The following RTN1 variants were observed in gnomAD, a reference collection of about 807,000 sequenced individuals.
The protein encoded by RTN1 is reticulon-1.
In RTN1, 25 loss-of-function variants were observed where a neutral mutation model predicts 65.5. That is an observed-to-expected ratio of 0.38 (90% CI 0.28 to 0.53). The LOEUF (loss-of-function observed/expected upper bound fraction) is 0.53. Ranked by LOEUF, RTN1 falls within the 20% of genes least tolerant of loss-of-function variation. The pLI, the probability that RTN1 is intolerant of heterozygous loss-of-function variation, is 0.79. For missense variants in RTN1, 983 were observed against 1,025.4 expected, an observed-to-expected ratio of 0.96 and a Z score of 0.57; for synonymous variants, 471 against 447.6, an observed-to-expected ratio of 1.05 and a Z score of -0.66.
chr14:59,772,692 A>G (rs1237711686), intron 1 of RTN1, among the ~76,000 whole-genome samples: 1 of 152,116 alleles, frequency 6.6e-6, no homozygotes, highest in Non-Finnish European at 1.5e-5. Context: ...GAAAACACTC[A>G]TTCCCCAAGA....
In RTN1 at chr14:59,855,147, T is replaced by C. The variant is rs542036038; in HGVS notation, c.241+15243A>G. Among the ~76,000 whole-genome samples the C allele has an allele frequency of 1.1e-3, 171 of 152,330 alleles. 4 individuals carry two copies. The South Asian group carries it at 0.034, about 30-fold the overall frequency. On this transcript the variant is annotated intron_variant, in intron 1 of 8. Transcript: ENST00000267484. Reference sequence around the variant, plus strand: ...TTTCACTGTACCCTATTAATATGAATACTCAATGAACATTTGAAAAAGGGA... The same window carrying C: ...TTTCACTGTACCCTATTAATATGAACACTCAATGAACATTTGAAAAAGGGA...
At chr14:59,791,863 G>A (rs546937081) in intron 1 of RTN1, among the ~76,000 whole-genome samples, 1 of 151,406 alleles carries the variant, frequency 6.6e-6, no homozygotes, top group South Asian at 2.1e-4. Flanking sequence ...TTTTTTTTTG[G>A]TCCTCTGATG....
At chr14:59,723,967 T>C (rs1884703144) in intron 3 of RTN1, among the ~76,000 whole-genome samples, 1 of 152,228 alleles carries the variant, frequency 6.6e-6, no homozygotes, top group Non-Finnish European at 1.5e-5. Context: ...CACATAACTA[T>C]CCTGATTAAT....
At chr14:59,641,693 T>C (rs892819353) in intron 3 of RTN1, among the ~76,000 whole-genome samples, 1 of 152,324 alleles carries the variant, frequency 6.6e-6, no homozygotes, top group South Asian at 2.1e-4. Flanking sequence ...TTTTAGTGAT[T>C]ATTCTAGAAA....
At chr14:59,749,669 A>C (rs1221832085) in intron 1 of RTN1, among the ~76,000 whole-genome samples, 7 of 94,392 alleles carry the variant, frequency 7.4e-5, no homozygotes, top group South Asian at 2.7e-4. Context: ...ATCTATATAT[A>C]TTTATATATC....
At chr14:59,742,910 T>C (rs1885142195) in intron 2 of RTN1, among the ~76,000 whole-genome samples, 1 of 152,138 alleles carries the variant, frequency 6.6e-6, no homozygotes, top group East Asian at 1.9e-4. Context: ...CCTCGCAGGA[T>C]AAAAAGGGCA....
chr14:59,786,562 G>C (rs969123492), intron 1 of RTN1, among the ~76,000 whole-genome samples: 1 of 152,178 alleles, frequency 6.6e-6, no homozygotes, highest in Non-Finnish European at 1.5e-5. Context: ...GTCTTGGTAA[G>C]ACCCTTTTCA....
At chr14:59,694,424 T>G (rs1170801490) in intron 3 of RTN1, among the ~76,000 whole-genome samples, 5 of 152,182 alleles carry the variant, frequency 3.3e-5, no homozygotes, top group Admixed American at 1.3e-4. Context: ...AGTGTGTGTA[T>G]GCACTTACAC....
chr14:59,659,837 G>C (rs994036327), intron 3 of RTN1, among the ~76,000 whole-genome samples: 4 of 152,020 alleles, frequency 2.6e-5, no homozygotes, highest in Non-Finnish European at 5.9e-5. Context: ...ATCAACTAAT[G>C]GGCAAAATAA....
chr14:59,739,857 C>T (rs1366843474), intron 2 of RTN1, among the ~76,000 whole-genome samples: 1 of 152,172 alleles, frequency 6.6e-6, no homozygotes. Flanking sequence ...CCTTCTGAGG[C>T]ACACATCCTT....
intron 3 of RTN1, among the ~76,000 whole-genome samples, chr14:59,643,616 C>T (rs983746938): frequency 2.6e-5 from 4 of 152,138 alleles, no homozygotes; most frequent in Non-Finnish European, 5.9e-5. Flanking sequence ...TAGCCGTCTG[C>T]TGAACTATGC....
chr14:59,681,383 T>TA (rs1883742168), intron 3 of RTN1, among the ~76,000 whole-genome samples: 1 of 152,186 alleles, frequency 6.6e-6, no homozygotes, highest in South Asian at 2.1e-4. Flanking sequence ...TTCTGAATCT[T>TA]AAAAAATGGT....
At chr14:59,769,073 T>C (rs1322605846) in intron 1 of RTN1, among the ~76,000 whole-genome samples, 3 of 152,166 alleles carry the variant, frequency 2.0e-5, no homozygotes, top group Non-Finnish European at 4.4e-5. Context: ...GAAGAAGAAT[T>C]CAAGACTACG....
intron 1 of RTN1, among the ~76,000 whole-genome samples, chr14:59,819,622 C>T (rs1307092253): frequency 6.6e-6 from 1 of 151,980 alleles, no homozygotes; most frequent in African/African-American, 2.4e-5. Context: ...CTTGGGCGGT[C>T]GATGGGACCG....
At chr14:59,669,245 C>T (rs979039473) in intron 3 of RTN1, among the ~76,000 whole-genome samples, 13 of 152,070 alleles carry the variant, frequency 8.5e-5, no homozygotes, top group Non-Finnish European at 1.9e-4. Context: ...GAAAATGTGG[C>T]ACATATACAC....
intron 3 of RTN1, among the ~76,000 whole-genome samples, chr14:59,668,282 G>T (rs984456753): frequency 1.3e-5 from 2 of 152,050 alleles, no homozygotes; most frequent in Non-Finnish European, 2.9e-5. Flanking sequence ...CAGAACAGAG[G>T]CCTCAGAAAT....
intron 3 of RTN1, among the ~76,000 whole-genome samples, chr14:59,710,303 C>G (rs1322156140): frequency 2.0e-5 from 3 of 152,148 alleles, no homozygotes; most frequent in Non-Finnish European, 4.4e-5. Flanking sequence ...GTTGGGATTA[C>G]AGGCATGAGC....
At chr14:59,821,490 C>T (rs960076867) in intron 1 of RTN1, among the ~76,000 whole-genome samples, 5 of 152,170 alleles carry the variant, frequency 3.3e-5, no homozygotes, top group African/African-American at 7.2e-5. Context: ...TCTCTCTCTT[C>T]CTATTTGGAT....
At chr14:59,670,663 T>TTGTGTGTGTG (rs1883483049) in intron 3 of RTN1, among the ~76,000 whole-genome samples, 1 of 152,220 alleles carries the variant, frequency 6.6e-6, no homozygotes, top group Admixed American at 6.5e-5. Context: ...TATGTGTCAG[T>TTGTGTGTGTG]ACCTCCATAG....
Sources: allele counts gnomAD v4.1 joint callset (sites outside exome capture counted in the v4.1 genomes callset), GRCh38; gene constraint gnomAD v4.1.1; transcripts MANE v1.5; gene names NCBI Gene and HGNC (gene_info 2026-07-23, HGNC 2026-07-21).